The following SNTG1 variants were observed in gnomAD, a reference collection of about 807,000 sequenced individuals.
SNTG1 encodes the protein gamma-1-syntrophin.
SNTG1 carries 39 observed loss-of-function variants against 74.7 expected under a neutral mutation model. The ratio of observed to expected loss-of-function variants is 0.52; its 90% confidence interval spans 0.40 to 0.68. SNTG1 has a LOEUF of 0.68. SNTG1 is among the 30% of genes least tolerant of loss of function. SNTG1 has a pLI of 0.00. For synonymous variants in SNTG1, 254 were observed against 217.1 expected (o/e 1.17, Z -1.49); for missense variants, 685 against 609.5 (o/e 1.12, Z -1.30).
intron 13 of SNTG1, among the ~76,000 whole-genome samples, chr8:50,601,030 G>C (rs2094769832): frequency 1.3e-5 from 2 of 150,154 alleles, no homozygotes; most frequent in Middle Eastern, 6.8e-3. Flanking sequence ...CATTAGTTGG[G>C]CATGGTGGCA....
At chr8:50,699,329 G>A (rs980011598) in intron 15 of SNTG1, among the ~76,000 whole-genome samples, 1 of 152,054 alleles carries the variant, frequency 6.6e-6, no homozygotes, top group East Asian at 1.9e-4. Flanking sequence ...ACAGCTTTTT[G>A]GGAATGAAAG....
intron 1 of SNTG1, among the ~76,000 whole-genome samples, chr8:50,024,585 A>G (rs1171372018): frequency 6.6e-6 from 1 of 152,166 alleles, no homozygotes; most frequent in Non-Finnish European, 1.5e-5. Flanking sequence ...AACCTTGGAC[A>G]CTGCCAAATG....
intron 1 of SNTG1, among the ~76,000 whole-genome samples, chr8:49,995,871 C>T (rs1477338700): frequency 1.3e-5 from 2 of 152,194 alleles, no homozygotes; most frequent in Non-Finnish European, 2.9e-5. Context: ...TCGCAAGATA[C>T]TCTTATGCCC....
At chr8:50,600,731 A>G (rs901252168) in intron 13 of SNTG1, among the ~76,000 whole-genome samples, 1 of 151,978 alleles carries the variant, frequency 6.6e-6, no homozygotes, top group Non-Finnish European at 1.5e-5. Context: ...ATCTGTTTAA[A>G]AAACAACTTT....
Position 50,458,662 on chromosome 8 carries a change from C to T in SNTG1, c.363+7933C>T, listed in dbSNP as rs145736078. Among the ~76,000 whole-genome samples the T allele has an allele frequency of 1.7e-3, 254 of 152,102 alleles. 1 individual carries two copies. Among genetic ancestry groups the T allele is most frequent in the African/African-American group, 5.9e-3 (244 of 41,506 alleles). On this transcript the variant is annotated intron_variant, in intron 8 of 18. Transcript: ENST00000642720. ...AAGCATTTTACATGTCTACACTTGC[C>T]ATGAAGTAGCATCACATTTTGATAT...
At chr8:50,121,244 C>A (rs1194820685) in intron 1 of SNTG1, among the ~76,000 whole-genome samples, 1 of 141,542 alleles carries the variant, frequency 7.1e-6, no homozygotes, top group African/African-American at 2.6e-5. Context: ...TGGCCTCTGA[C>A]TTGGCTATTT....
At chr8:50,104,208 G>A (rs2080270761) in intron 1 of SNTG1, among the ~76,000 whole-genome samples, 1 of 152,104 alleles carries the variant, frequency 6.6e-6, no homozygotes, top group African/African-American at 2.4e-5. Context: ...TTTTTGGTTG[G>A]TAAGCTGTTG....
intron 2 of SNTG1, among the ~76,000 whole-genome samples, chr8:50,252,283 A>C (rs1007050800): frequency 2.0e-5 from 3 of 152,120 alleles, no homozygotes; most frequent in Non-Finnish European, 2.9e-5. Flanking sequence ...CAACAACCTA[A>C]TTGTATAACT....
intron 1 of SNTG1, among the ~76,000 whole-genome samples, chr8:50,075,958 G>A (rs1397773786): frequency 6.6e-6 from 1 of 151,984 alleles, no homozygotes; most frequent in Non-Finnish European, 1.5e-5. Flanking sequence ...TCACCACAAG[G>A]GTCTGCAGCT....
chr8:50,607,478 C>G (rs2094821225), intron 13 of SNTG1, among the ~76,000 whole-genome samples: 1 of 151,504 alleles, frequency 6.6e-6, no homozygotes, highest in African/African-American at 2.4e-5. Flanking sequence ...TTTCATTTTA[C>G]TTATTTAAGT....
chr8:49,928,806 A>T (rs1227492025), intron 1 of SNTG1, among the ~76,000 whole-genome samples: 3 of 152,178 alleles, frequency 2.0e-5, no homozygotes, highest in African/African-American at 7.2e-5. Flanking sequence ...TAAACAAAAA[A>T]GTAATAAAAT....
intron 12 of SNTG1, among the ~76,000 whole-genome samples, chr8:50,581,382 T>C (rs1351902563): frequency 6.6e-6 from 1 of 152,218 alleles, no homozygotes; most frequent in Non-Finnish European, 1.5e-5. Flanking sequence ...ATCTCTCTTT[T>C]TTGAACAGAA....
chr8:50,299,592 A>C (rs977298219), intron 2 of SNTG1, among the ~76,000 whole-genome samples: 15 of 152,152 alleles, frequency 9.9e-5, no homozygotes, highest in Non-Finnish European at 1.9e-4. Context: ...AAAAAAGTAA[A>C]AGAAATTGAT....
intron 18 of SNTG1, among the ~76,000 whole-genome samples, chr8:50,779,545 A>G (rs1216584138): frequency 1.3e-5 from 2 of 152,154 alleles, no homozygotes; most frequent in East Asian, 1.9e-4. Context: ...ATTTTTGTAC[A>G]TTGATTTTGT....
intron 2 of SNTG1, among the ~76,000 whole-genome samples, chr8:50,235,795 T>C (rs1395248638): frequency 2.0e-5 from 3 of 152,154 alleles, no homozygotes; most frequent in African/African-American, 7.2e-5. Context: ...TATAAAAGTA[T>C]TCAAAATAAA....
chr8:50,461,143 CTGAGA>C (rs2093557397), intron 8 of SNTG1, among the ~76,000 whole-genome samples: 1 of 143,394 alleles, frequency 7.0e-6, no homozygotes, highest in Admixed American at 7.3e-5. Flanking sequence ...TGTCCTTCAG[CTGAGA>C]TTTTTCTGGT....
intron 3 of SNTG1, among the ~76,000 whole-genome samples, chr8:50,395,718 A>G (rs894068147): frequency 1.3e-5 from 2 of 152,052 alleles, no homozygotes; most frequent in Non-Finnish European, 2.9e-5. Context: ...TCACCGTGTT[A>G]GCCAGGAAGA....
intron 8 of SNTG1, among the ~76,000 whole-genome samples, chr8:50,496,537 G>A (rs540113559): frequency 6.6e-6 from 1 of 152,094 alleles, no homozygotes; most frequent in Admixed American, 6.6e-5. Context: ...GCCTCCAAGA[G>A]GAAACCAGAA....
chr8:50,309,559 T>G (rs1269363749), intron 2 of SNTG1, among the ~76,000 whole-genome samples: 1 of 152,204 alleles, frequency 6.6e-6, no homozygotes, highest in Admixed American at 6.5e-5. Context: ...GCAAGCTGCA[T>G]TCATTAATTT....
Sources: gnomAD v4.1 joint callset for allele counts (sites outside exome capture counted in the v4.1 genomes callset) on GRCh38, gnomAD v4.1.1 for gene constraint, MANE v1.5 for transcripts, NCBI Gene and HGNC (gene_info 2026-07-23, HGNC 2026-07-21) for gene names.